The following SPNS2 variants were observed in gnomAD, a reference collection of about 807,000 sequenced individuals.
SPNS2 encodes sphingosine-1-phosphate transporter SPNS2.
In SPNS2, 37 loss-of-function variants were observed where a neutral mutation model predicts 57.6. The observed-to-expected ratio is 0.64, with a 90% CI of 0.49 to 0.85. The LOEUF is 0.85. SPNS2 is among the 40% of genes least tolerant of loss of function. SPNS2 has a pLI of 0.00. For missense variants in SPNS2, 831 were observed against 779.1 expected (o/e 1.07, Z -0.79); for synonymous variants, 440 against 346.9 (o/e 1.27, Z -2.98).
chr17:4,527,341 A>G (rs934110215), intron 3 of SPNS2, among the ~76,000 whole-genome samples: 2 of 152,254 alleles, frequency 1.3e-5, no homozygotes, highest in African/African-American at 2.4e-5. Flanking sequence ...ACTAAGATCA[A>G]TGAGCCAGAG....
rs1048691321 is a variant in SPNS2, at chr17:4,537,833, C to T, written c.*385C>T. 2.2e-6 allele frequency: 1 copy of T among 454,970 alleles called. No individual in the cohort carries two copies. Among genetic ancestry groups the T allele is most frequent in the South Asian group, 1.5e-5 (1 of 64,524 alleles). 28.2% of individuals were successfully genotyped at this position (454,970 alleles called of 1,614,324 possible). ...AGGGCCAGGGGGCTGGACTTTCCCA[C>T]ACAACTTGCTGGGCAAAGCACGATC... On this transcript the variant is annotated 3_prime_UTR_variant, in exon 13 of 13. Transcript: ENST00000329078.
chr17:4,514,355 G>A (rs1183317237), intron 2 of SPNS2, among the ~76,000 whole-genome samples: 1 of 152,156 alleles, frequency 6.6e-6, no homozygotes, highest in Non-Finnish European at 1.5e-5. Flanking sequence ...TCCCCTGCCT[G>A]GGCCCTCCTG....
chr17:4,517,225 CCT>C (rs1381607660), intron 2 of SPNS2, among the ~76,000 whole-genome samples: 1 of 152,228 alleles, frequency 6.6e-6, no homozygotes, highest in African/African-American at 2.4e-5. Context: ...GCTTCCACTT[CCT>C]TCCCCATAGA....
At position 4,531,130 on chromosome 17, in the gene SPNS2, C is replaced by T. The variant is rs755966767; in HGVS notation, c.792+11C>T. ...CACTGGGCATTGCGGGTAAGCCCTA[C>T]GTCCCTTCCCATGAGGACACCCTCC... On this transcript the variant is annotated intron_variant, in intron 5 of 12. Transcript: ENST00000329078. The T allele has an allele frequency of 2.3e-5, 37 of 1,613,656 alleles. No homozygotes were observed. Among genetic ancestry groups the T allele is most frequent in the East Asian group, 1.6e-4 (7 of 44,902 alleles).
intron 3 of SPNS2, 109 bp from the exon 4 acceptor site, chr17:4,530,523 T>A: frequency 1.5e-6 from 2 of 1,345,850 alleles, no homozygotes; most frequent in Non-Finnish European, 2.1e-6. Context: ...CTCACCCTTC[T>A]CTCCCCTGGC....
chr17:4,536,476 C>A (rs374704233), intron 11 of SPNS2, 50 bp downstream of exon 11: 2 of 1,559,690 alleles, frequency 1.3e-6, no homozygotes, highest in East Asian at 4.5e-5. Context: ...AAGCAGGGAC[C>A]GTGATAGCCA....
rs772176001 is a variant in SPNS2 at position 4,536,189 on chromosome 17, G to C, written c.1443+15G>C. 8.1e-6 allele frequency: 13 copies of C among 1,610,112 alleles called. 1 individual carries two copies. In the South Asian group the frequency reaches 1.2e-4, roughly 15 times the overall value. ...TCATTGGCTTTGTGAGTAGCCCCGG[G>C]GTGGGGCTGGCCAGGGCAGGCTGGG... is the stretch of plus-strand genomic sequence containing the variant. On this transcript the variant is annotated intron_variant, in intron 10 of 12. Transcript: ENST00000329078.
At chr17:4,516,336 A>AAAAAAC (rs1904991576) in intron 2 of SPNS2, among the ~76,000 whole-genome samples, 1 of 126,668 alleles carries the variant, frequency 7.9e-6, no homozygotes, top group Non-Finnish European at 1.6e-5. Flanking sequence ...AAAAAAAAAA[A>AAAAAAC]AAAAAAACAA....
intron 3 of SPNS2, among the ~76,000 whole-genome samples, chr17:4,525,799 G>A (rs1027785666): frequency 6.6e-6 from 1 of 152,200 alleles, no homozygotes; most frequent in Non-Finnish European, 1.5e-5. Flanking sequence ...TTCCCAACTC[G>A]AAGGTTTCCC....
At chr17:4,533,731 C>T in intron 8 of SPNS2, 57 bp from the exon 9 acceptor site, 3 of 1,588,516 alleles carry the variant, frequency 1.9e-6, no homozygotes, top group Non-Finnish European at 2.6e-6. Context: ...GGAACAGAGA[C>T]TGTGGTTGCT....
intron 2 of SPNS2, among the ~76,000 whole-genome samples, chr17:4,516,352 C>CAAAAAAAAAA (rs1567590083): frequency 1.9e-5 from 1 of 53,592 alleles, no homozygotes; most frequent in Non-Finnish European, 3.2e-5. Flanking sequence ...AACAAAAAAA[C>CAAAAAAAAAA]CGCTCATAGG....
chr17:4,517,125 G>A (rs1367272979), intron 2 of SPNS2, among the ~76,000 whole-genome samples: 1 of 152,116 alleles, frequency 6.6e-6, no homozygotes, highest in African/African-American at 2.4e-5. Context: ...CAGGCTGCTG[G>A]GTAGTTTTTC....
chr17:4,536,438 G>GA lies in SPNS2; in HGVS notation c.1607+12_1607+13insA, dbSNP rs779971058. ...AGGGCTGAGCAGCAGTGAGTGGGGG[G>GA]GAGGGGAGGCCCTGCTGCACCGCCG... On this transcript the variant is annotated intron_variant, in intron 11 of 12. Transcript: ENST00000329078. 3 of 1,582,676 alleles carry GA rather than the reference G, an allele frequency of 1.9e-6. No homozygotes were observed. The highest frequency in any genetic ancestry group is 2.2e-5 in the East Asian group (1 of 44,836).
Position 4,499,535 on chromosome 17 carries a change from T to A in SPNS2, c.370+118T>A. The A allele has an allele frequency of 6.7e-6, 4 of 600,520 alleles. No homozygotes were observed. Among genetic ancestry groups the A allele is most frequent in the Non-Finnish European group, 1.0e-5 (4 of 390,716 alleles). The allele number at this position is 600,520 out of a possible 1,614,324, so 37.2% of individuals were successfully genotyped here. A position where few individuals can be genotyped will look rare whatever the true frequency, so the allele number is the denominator to read the frequency against. On this transcript the variant is annotated intron_variant, in intron 1 of 12. Coordinates refer to ENST00000329078, the MANE Select transcript of SPNS2 (RefSeq NM_001124758.3). The surrounding 1 kb of genome is among the most constrained non-coding windows in gnomAD (Gnocchi z 5.2). ...AGGCCTGCTATCTCCAGGCCCTACG[T>A]GAGGTCCCTACGGACCCTCTGCTCA... is the stretch of plus-strand genomic sequence containing the variant.
At chr17:4,514,112 C>T (rs181902149) in intron 2 of SPNS2, among the ~76,000 whole-genome samples, 74 of 152,366 alleles carry the variant, frequency 4.9e-4, no homozygotes, top group Admixed American at 2.2e-3. Context: ...GCCATGTTGG[C>T]GATGCTCTTA....
At position 4,536,189 on chromosome 17, in the gene SPNS2, G is replaced by A. The variant is rs772176001; in HGVS notation, c.1443+15G>A. 1 of 1,609,996 alleles carries A rather than the reference G, an allele frequency of 6.2e-7. No homozygotes were observed. Among genetic ancestry groups the A allele is most frequent in the Non-Finnish European group, 8.5e-7 (1 of 1,178,744 alleles). On this transcript the variant is annotated intron_variant, in intron 10 of 12. Transcript: ENST00000329078. ...TCATTGGCTTTGTGAGTAGCCCCGG[G>A]GTGGGGCTGGCCAGGGCAGGCTGGG... is the stretch of plus-strand genomic sequence containing the variant.
chr17:4,529,185 C>A (rs1166461313), intron 3 of SPNS2, among the ~76,000 whole-genome samples: 3 of 151,608 alleles, frequency 2.0e-5, no homozygotes, highest in South Asian at 4.2e-4. Flanking sequence ...CCACCCGACT[C>A]AGCCTCCCAA....
In SPNS2 at chr17:4,499,090, G is replaced by A. The variant is rs1164226969; in HGVS notation, c.43G>A (p.Glu15Lys). Residue 15 changes from glutamate to lysine, a missense_variant, in exon 1 of 13, where the codon GAG becomes AAG. Glu to Lys is a moderately conservative substitution (Grantham distance 56). Around this residue, in one of 2 missense-constraint regions of SPNS2, gnomAD observed 305 missense variants for 378.3 expected, o/e 0.81. Transcript: ENST00000329078. This position sits in a 1 kb window ranked among gnomAD's most constrained non-coding sequence, Gnocchi z 5.2. ...ECASAAAGGA[E>K]EEEADAERRR... ...CGCCTCGGCGGCGGCGGGCGGCGCG[G>A]AGGAGGAGGAGGCGGACGCGGAGCG... The A allele has an allele frequency of 8.5e-6, 9 of 1,052,974 alleles. No individual in the cohort carries two copies. In the African/African-American group the frequency reaches 8.6e-5, roughly 10 times the overall value. 65.2% of individuals were successfully genotyped at this position (1,052,974 alleles called of 1,614,324 possible).
intron 3 of SPNS2, among the ~76,000 whole-genome samples, chr17:4,525,838 A>G (rs1410855115): frequency 6.6e-6 from 1 of 152,222 alleles, no homozygotes; most frequent in Non-Finnish European, 1.5e-5. Flanking sequence ...GTGAAGGTCC[A>G]GACCCTGGAA....
Sources: allele counts gnomAD v4.1 joint callset (sites outside exome capture counted in the v4.1 genomes callset), GRCh38; gene constraint gnomAD v4.1.1; regional missense constraint gnomAD v4.1.1; non-coding constraint Gnocchi (gnomAD v3.1); transcripts MANE v1.5; gene names NCBI Gene and HGNC (gene_info 2026-07-23, HGNC 2026-07-21).